Variants in TRIM10 observed in about 807,000 individuals in gnomAD.
The protein encoded by TRIM10 is tripartite motif containing 10.
TRIM10 carries 42 observed loss-of-function variants against 40.0 expected under a neutral mutation model. The ratio of observed to expected loss-of-function variants is 1.05; its 90% CI spans 0.82 to 1.36. The LOEUF (loss-of-function observed/expected upper bound fraction) is 1.36, where lower values mean the gene tolerates loss of function less well. Ranked by LOEUF, TRIM10 falls within the 40% of genes most tolerant of loss-of-function variation. The pLI is 0.00. For missense variants in TRIM10, 601 were observed against 608.3 expected, an observed-to-expected ratio of 0.99 and a Z score of 0.13; for synonymous variants, 260 against 239.5, an observed-to-expected ratio of 1.09 and a Z score of -0.79.
chr6:30,162,497 A>C (rs1046665867), upstream of TRIM10, among the ~76,000 whole-genome samples: 14 of 151,996 alleles, frequency 9.2e-5, no homozygotes, highest in Admixed American at 8.5e-4. Context: ...TAATAAAGTG[A>C]TTAGAGTAAA....
At chr6:30,157,075 G>A (rs1004263096) in intron 4 of TRIM10, 21 bp from the exon 5 acceptor site, 1 of 1,607,956 alleles carries the variant, frequency 6.2e-7, no homozygotes, top group Non-Finnish European at 8.5e-7. Context: ...AGAAATGGCT[G>A]GGTCTGGGAA....
intron 1 of TRIM10, among the ~76,000 whole-genome samples, chr6:30,159,732 G>A (rs1367729056): frequency 6.6e-6 from 1 of 152,164 alleles, no homozygotes; most frequent in Non-Finnish European, 1.5e-5. Flanking sequence ...TTGATAAATT[G>A]TTTTCAAAAT....
chr6:30,163,027 T>C (rs1488557120), upstream of TRIM10, among the ~76,000 whole-genome samples: 1 of 151,696 alleles, frequency 6.6e-6, no homozygotes, highest in African/African-American at 2.4e-5. Context: ...TGCCAGGTGG[T>C]GGGGGATTTG....
chr6:30,154,674 C>T (rs1250660569), intron 6 of TRIM10, 188 bp from the exon 7 acceptor site: 3 of 757,214 alleles, frequency 4.0e-6, no homozygotes, highest in Non-Finnish European at 6.9e-6. Context: ...AATCTGCATC[C>T]TAACAAGATG....
At chr6:30,154,803 T>C in intron 6 of TRIM10, 1 of 632,600 alleles carries the variant, frequency 1.6e-6, no homozygotes, top group South Asian at 1.5e-5. Context: ...GTTGGCTGGT[T>C]TCCAAAGCTG....
At chr6:30,163,799 T>A (rs1773353912), upstream of TRIM10, 6 of 1,612,952 alleles carry the variant, frequency 3.7e-6, no homozygotes, top group Non-Finnish European at 4.2e-6. Flanking sequence ...CTGCCGGCTC[T>A]GCCTCCCCGC....
chr6:30,153,912 T>C lies in TRIM10; in HGVS notation c.*57A>G. On this transcript the variant is annotated 3_prime_UTR_variant, in exon 7 of 7. Coordinates refer to ENST00000449742, the MANE Select transcript of TRIM10 (RefSeq NM_006778.4). ...GATTCAGCCAGGGATCAAGTCCACA[T>C]GGTACTTGGGTTGATATGAGTCCTG... 7.6e-6 allele frequency: 12 copies of C among 1,581,550 alleles called. No individual in the cohort carries two copies. Among genetic ancestry groups the C allele is most frequent in the Non-Finnish European group, 1.0e-5 (12 of 1,161,880 alleles).
At chr6:30,159,574 A>G (rs1401388431) in intron 1 of TRIM10, among the ~76,000 whole-genome samples, 3 of 152,168 alleles carry the variant, frequency 2.0e-5, no homozygotes, top group Non-Finnish European at 4.4e-5. Flanking sequence ...GTCTGTACTG[A>G]GTTTGATATG....
chr6:30,163,996 C>T, upstream of TRIM10: 1 of 1,613,140 alleles, frequency 6.2e-7, no homozygotes, highest in African/African-American at 1.3e-5. Context: ...TCTGTGTGTT[C>T]TGCAGGGAGG....
chr6:30,158,375 G>A (rs377070529), intron 3 of TRIM10, 24 bp downstream of exon 3: 148 of 1,593,148 alleles, frequency 9.3e-5, no homozygotes, highest in Non-Finnish European at 1.2e-4. Flanking sequence ...CACAGGTGGG[G>A]CAGGGTTCCG....
At chr6:30,161,768 A>C (rs1217973434), upstream of TRIM10, among the ~76,000 whole-genome samples, 1 of 152,234 alleles carries the variant, frequency 6.6e-6, no homozygotes, top group Non-Finnish European at 1.5e-5. Flanking sequence ...TCTTCCGAGC[A>C]ATGCTATTCA....
At position 30,161,022 on chromosome 6, in the gene TRIM10, G is replaced by C; in HGVS notation, c.-164C>G. ...TCGTCACACACTTGCATCTCTGGCA[G>C]CCAGGGTTCTATTCTCCTGCCAACA... is the stretch of plus-strand genomic sequence containing the variant. On this transcript the variant is annotated 5_prime_UTR_variant, in exon 1 of 7. Coordinates refer to ENST00000449742, the MANE Select transcript of TRIM10 (RefSeq NM_006778.4). The C allele has an allele frequency of 1.4e-6, 1 of 700,636 alleles. No homozygotes were observed. The highest frequency in any genetic ancestry group is 2.3e-6 in the Non-Finnish European group (1 of 429,934). The allele number at this position is 700,636 out of a possible 1,614,324, so 43.4% of individuals were successfully genotyped here. A position where few individuals can be genotyped will look rare whatever the true frequency, so the allele number is the denominator to read the frequency against.
chr6:30,153,811 TC>T lies in TRIM10; in HGVS notation c.*157del. The stretch of plus-strand genomic sequence containing the variant: ...AAGGACTTGATCAGTAGATTGAGAG[TC>T]CTCTCTTCTATCCCTTACCACCCGG... On this transcript the variant is annotated 3_prime_UTR_variant, in exon 7 of 7. Coordinates refer to ENST00000449742, the MANE Select transcript of TRIM10 (RefSeq NM_006778.4). 1 of 1,612,714 alleles carries T rather than the reference TC, an allele frequency of 6.2e-7. No individual in the cohort carries two copies. The highest frequency in any genetic ancestry group is 8.5e-7 in the Non-Finnish European group (1 of 1,179,886).
At chr6:30,157,737 A>G (rs2127442386) in intron 3 of TRIM10, among the ~76,000 whole-genome samples, 1 of 145,994 alleles carries the variant, frequency 6.8e-6, no homozygotes, top group East Asian at 2.0e-4. Flanking sequence ...TTATGACTGG[A>G]AAAGACAAAA....
Position 30,153,869 on chromosome 6 carries a change from A to C in TRIM10, c.*100T>G. The C allele has an allele frequency of 6.3e-7, 1 of 1,596,710 alleles. No homozygotes were observed. The highest frequency in any genetic ancestry group is 8.5e-7 in the Non-Finnish European group (1 of 1,169,674). On this transcript the variant is annotated 3_prime_UTR_variant, in exon 7 of 7. Coordinates refer to ENST00000449742, the MANE Select transcript of TRIM10 (RefSeq NM_006778.4). Reference sequence around the variant, plus strand: ...CCCATCTTCTAAAGCAGTCATTTCTATTCCAAGTCATCCAGGTGATTCAGC... The same window carrying C: ...CCCATCTTCTAAAGCAGTCATTTCTCTTCCAAGTCATCCAGGTGATTCAGC...
At chr6:30,160,041 C>T (rs1772923307) in intron 1 of TRIM10, among the ~76,000 whole-genome samples, 1 of 152,204 alleles carries the variant, frequency 6.6e-6, no homozygotes. Flanking sequence ...TATATACATA[C>T]TCAGACTCCC....
rs750351218 is a variant in TRIM10, at chr6:30,154,408, T to A, written c.1007A>T (p.Tyr336Phe). 372 of 1,612,958 alleles carry A rather than the reference T, an allele frequency of 2.3e-4. 6 individuals carry two copies. In the South Asian group the frequency reaches 4.0e-3, roughly 17 times the overall value. Residue 336 changes from tyrosine to phenylalanine, a missense_variant, in exon 7 of 7, where the codon TAC becomes TTC. Transcript: ENST00000449742. Reference sequence around the variant, plus strand: ...GTTGTCTGGTGAGTTCTGCCATTTGTAGGAGAACTGAGCTCGCTGGTGGTC... The same window carrying A: ...GTTGTCTGGTGAGTTCTGCCATTTGAAGGAGAACTGAGCTCGCTGGTGGTC... ...SEDHQRAQFS[Y>F]KWQNSPDNPQ...
intron 1 of TRIM10, 93 bp downstream of exon 1, chr6:30,160,337 T>C (rs1264764823): frequency 9.4e-6 from 13 of 1,377,116 alleles, no homozygotes; most frequent in African/African-American, 1.4e-5. Flanking sequence ...GAGAAAGAAT[T>C]TGGCCTCCGG....
chr6:30,155,670 T>C (rs1256796249), intron 6 of TRIM10, 57 bp downstream of exon 6: 1 of 1,586,426 alleles, frequency 6.3e-7, no homozygotes, highest in Non-Finnish European at 8.6e-7. Flanking sequence ...TCCTGCAAAA[T>C]TTTCTCTCCT....
Sources: allele counts gnomAD v4.1 joint callset (sites outside exome capture counted in the v4.1 genomes callset), GRCh38; gene constraint gnomAD v4.1.1; transcripts MANE v1.5; gene names NCBI Gene and HGNC (gene_info 2026-07-23, HGNC 2026-07-21).